The following GNPDA1 variants were observed in gnomAD, a reference collection of about 807,000 sequenced individuals.
GNPDA1 encodes the protein GNPDA 1.
GNPDA1 carries 24 observed loss-of-function variants against 28.5 expected under a neutral mutation model. The ratio of observed to expected loss-of-function variants is 0.84; its 90% confidence interval spans 0.61 to 1.19. The LOEUF (loss-of-function observed/expected upper bound fraction) is 1.19. GNPDA1 is among the 50% of genes most tolerant of loss of function. The pLI is 0.00. For missense variants in GNPDA1, 264 were observed against 367.3 expected (o/e 0.72, Z 2.30); for synonymous variants, 147 against 139.3 (o/e 1.06, Z -0.39).
chr5:142,010,247 C>CAAT (rs1363945253), intron 2 of GNPDA1, among the ~76,000 whole-genome samples: 21 of 152,362 alleles, frequency 1.4e-4, no homozygotes, highest in Non-Finnish European at 2.9e-4. Flanking sequence ...TAACCTCTAT[C>CAAT]TGCTGGGTTC....
chr5:142,012,715 A>T, intron 1 of GNPDA1: 1 of 979,392 alleles, frequency 1.0e-6, no homozygotes, highest in Non-Finnish European at 1.2e-6. Context: ...CCAAAGCACA[A>T]AAGGGAAAAG....
intron 2 of GNPDA1, 101 bp downstream of exon 2, chr5:142,011,811 G>A (rs753242585): frequency 7.5e-7 from 1 of 1,339,152 alleles, no homozygotes; most frequent in East Asian, 2.4e-5. Flanking sequence ...GTACCCCAGA[G>A]CCCCCGTGAA....
chr5:142,006,691 C>A (rs1418746732), intron 3 of GNPDA1, among the ~76,000 whole-genome samples: 2 of 152,150 alleles, frequency 1.3e-5, no homozygotes, highest in Non-Finnish European at 2.9e-5. Context: ...AGAAAGCAAG[C>A]AAGCACACCC....
rs548642330 is a variant in GNPDA1 at position 142,001,292 on chromosome 5, G to C, written c.*737C>G. ...AGTGAGGCTTTCACAAAAACACAGGGCTCTGGGGGAAAAACGGCTTCCACC... is the reference window on the plus strand; with the variant it reads ...AGTGAGGCTTTCACAAAAACACAGGCCTCTGGGGGAAAAACGGCTTCCACC... On this transcript the variant is annotated 3_prime_UTR_variant, in exon 7 of 7. Coordinates refer to ENST00000311337, the MANE Select transcript of GNPDA1 (RefSeq NM_005471.5). The C allele has an allele frequency of 6.6e-6, 1 of 152,388 alleles. No homozygotes were observed. The highest frequency in any genetic ancestry group is 2.4e-5 in the African/African-American group (1 of 41,542). The allele number at this position is 152,388 out of a possible 1,614,324, so 9.4% of individuals were successfully genotyped here. A position where few individuals can be genotyped will look rare whatever the true frequency, so the allele number is the denominator to read the frequency against.
At chr5:142,009,848 C>T (rs924319641) in intron 2 of GNPDA1, among the ~76,000 whole-genome samples, 23 of 152,208 alleles carry the variant, frequency 1.5e-4, no homozygotes, top group Non-Finnish European at 2.8e-4. Context: ...CCAAGGAACC[C>T]GTGTGGAAAC....
At chr5:142,010,345 G>A (rs1755913050) in intron 2 of GNPDA1, among the ~76,000 whole-genome samples, 1 of 152,022 alleles carries the variant, frequency 6.6e-6, no homozygotes, top group South Asian at 2.1e-4. Flanking sequence ...TTTTAGTAGA[G>A]GCAGGGTTTC....
rs1157676853 is a variant in GNPDA1, at chr5:142,001,956, C to A, written c.*73G>T. 3 of 785,026 alleles carry A rather than the reference C, an allele frequency of 3.8e-6. No individual in the cohort carries two copies. Among genetic ancestry groups the A allele is most frequent in the East Asian group, 2.5e-5 (1 of 40,236 alleles). 48.6% of individuals were successfully genotyped at this position (785,026 alleles called of 1,614,324 possible). A position where few individuals can be genotyped will look rare whatever the true frequency, so the allele number is the denominator to read the frequency against. Reference sequence around the variant, plus strand: ...CATACTAGATTAAAGAAATACAATTCTTTCTTCTAAAGACAATTTCCAGAA... The same window carrying A: ...CATACTAGATTAAAGAAATACAATTATTTCTTCTAAAGACAATTTCCAGAA... On this transcript the variant is annotated 3_prime_UTR_variant, in exon 7 of 7. Transcript: ENST00000311337.
intron 3 of GNPDA1, among the ~76,000 whole-genome samples, chr5:142,007,096 T>C (rs1268982358): frequency 2.0e-5 from 3 of 152,172 alleles, no homozygotes; most frequent in Non-Finnish European, 4.4e-5. Context: ...TGAGAAGTTG[T>C]TGTTTCACGG....
intron 5 of GNPDA1, 30 bp downstream of exon 5, chr5:142,004,902 C>A: frequency 4.0e-6 from 6 of 1,493,484 alleles, no homozygotes; most frequent in South Asian, 1.2e-5. Context: ...AGTCCACCAG[C>A]GCAAGCTGGT....
chr5:142,006,807 C>A (rs929062201), intron 3 of GNPDA1, among the ~76,000 whole-genome samples: 1 of 151,076 alleles, frequency 6.6e-6, no homozygotes, highest in African/African-American at 2.4e-5. Context: ...TATCTTAGGG[C>A]TTCCCCAGAT....
chr5:142,002,475 G>A (rs761311270), intron 6 of GNPDA1, among the ~76,000 whole-genome samples: 6 of 152,174 alleles, frequency 3.9e-5, no homozygotes, highest in Non-Finnish European at 7.4e-5. Context: ...AAGAAGGGCT[G>A]GGCATCGTGG....
chr5:142,005,073 G>A lies in GNPDA1; in HGVS notation c.453C>T (p.Ser151=). 6.2e-7 allele frequency: 1 copy of A among 1,612,102 alleles called. No individual in the cohort carries two copies. The highest frequency in any genetic ancestry group is 8.5e-7 in the Non-Finnish European group (1 of 1,178,332). ...DGHIAFNEPG[S]SLVSRTRVKT... is the part of the protein sequence containing the mutation. Reference sequence around the variant, plus strand: ...TCACACGGGTCCTGGACACCAGACTGGAGCCTGGCTCGTTGAAGGCAATGT... The same window carrying A: ...TCACACGGGTCCTGGACACCAGACTAGAGCCTGGCTCGTTGAAGGCAATGT... Residue 151 remains serine, a synonymous_variant, in exon 5 of 7, where the codon TCC becomes TCT. Transcript: ENST00000311337.
Position 142,003,384 on chromosome 5 carries a change from G to T in GNPDA1, c.595-122C>A. ...TTACCATGCAACATACTTTTGCTCA[G>T]TGCTCCCTGTGCTTTATCACACAAA... On this transcript the variant is annotated intron_variant, in intron 5 of 6. Transcript: ENST00000311337. The surrounding 1 kb of genome is among the most constrained non-coding windows in gnomAD (Gnocchi z 4.0). The T allele has an allele frequency of 1.7e-6, 1 of 605,112 alleles. No individual in the cohort carries two copies. The allele number at this position is 605,112 out of a possible 1,614,324, so 37.5% of individuals were successfully genotyped here.
Position 142,003,712 on chromosome 5 carries a change from C to T in GNPDA1, c.595-450G>A, listed in dbSNP as rs1178774493. On this transcript the variant is annotated intron_variant, in intron 5 of 6. Transcript: ENST00000311337. The surrounding 1 kb of genome is among the most constrained non-coding windows in gnomAD (Gnocchi z 4.0). ...GCAATGGTGGGAGTTATCTGTGGGG[C>T]CTCTAAGGCTGAATCCCAGAAAGGT... Among the ~76,000 whole-genome samples the T allele has an allele frequency of 1.3e-5, 2 of 152,188 alleles. No individual in the cohort carries two copies. The highest frequency in any genetic ancestry group is 4.8e-5 in the African/African-American group (2 of 41,444).
At chr5:142,006,061 C>CTG (rs753892135) in intron 4 of GNPDA1, 83 bp downstream of exon 4, 18 of 1,148,908 alleles carry the variant, frequency 1.6e-5, no homozygotes, top group Non-Finnish European at 2.3e-5. Flanking sequence ...CCAGAAGAAG[C>CTG]TGTCTGCAGA....
At chr5:142,012,078 A>G in intron 1 of GNPDA1, 37 bp from the exon 2 acceptor site, 2 of 1,566,462 alleles carry the variant, frequency 1.3e-6, no homozygotes, top group East Asian at 4.6e-5. Flanking sequence ...AAAGGAATCA[A>G]TGGTAAGGGG....
chr5:142,004,830 C>G (rs1227024714), intron 5 of GNPDA1, 102 bp downstream of exon 5: 2 of 715,570 alleles, frequency 2.8e-6, no homozygotes, highest in East Asian at 2.7e-5. Flanking sequence ...ATTTACCATG[C>G]CTTCATCTTT....
In GNPDA1 at chr5:142,007,872, C is replaced by G. The variant is rs1365827713; in HGVS notation, c.153G>C (p.Lys51Asn). The G allele has an allele frequency of 3.1e-6, 5 of 1,612,480 alleles. No individual in the cohort carries two copies. Among genetic ancestry groups the G allele is most frequent in the Non-Finnish European group, 4.2e-6 (5 of 1,178,484 alleles). ...CCCCATTCTTATAGTATTCAATCAG[C>G]TTCTTGTAGCAGCCAAGTGGGGTAC... ...TGSTPLGCYK[K>N]LIEYYKNGDL... is the part of the protein sequence containing the mutation. Residue 51 changes from lysine (K) to asparagine (N), a missense_variant, in exon 3 of 7, where the codon AAG becomes AAC. Lys to Asn is a moderately conservative substitution (Grantham distance 94). Transcript: ENST00000311337.
intron 2 of GNPDA1, among the ~76,000 whole-genome samples, chr5:142,008,264 G>T (rs1295390835): frequency 1.3e-5 from 2 of 152,158 alleles, no homozygotes; most frequent in Non-Finnish European, 2.9e-5. Context: ...ATGTGATAAG[G>T]ACACAGGGGA....
Sources: allele counts gnomAD v4.1 joint callset (sites outside exome capture counted in the v4.1 genomes callset), GRCh38; gene constraint gnomAD v4.1.1; non-coding constraint Gnocchi (gnomAD v3.1); transcripts MANE v1.5; gene names NCBI Gene and HGNC (gene_info 2026-07-23, HGNC 2026-07-21).